Variants in CYP2A7 observed in about 807,000 individuals in gnomAD.
CYP2A7 encodes the protein cytochrome P450 family 2 subfamily A member 7.
A neutral mutation model predicts 42.0 loss-of-function variants in CYP2A7; 36 were observed. That is an observed-to-expected ratio of 0.86 (90% CI 0.66 to 1.13). The LOEUF (loss-of-function observed/expected upper bound fraction) is 1.13, where lower values mean the gene tolerates loss of function less well. CYP2A7 is among the 50% of genes most tolerant of loss of function. CYP2A7 has a pLI of 0.00. For synonymous variants in CYP2A7, 260 were observed against 249.5 expected, an observed-to-expected ratio of 1.04 and a Z score of -0.40; for missense variants, 661 against 634.1, an observed-to-expected ratio of 1.04 and a Z score of -0.46.
chr19:40,876,011 C>G, intron 8 of CYP2A7, 137 bp from the exon 9 acceptor site: 9 of 1,410,464 alleles, frequency 6.4e-6, no homozygotes, highest in Non-Finnish European at 7.6e-6. Flanking sequence ...AGAGGAGGCT[C>G]TGATCCTCCC....
Position 40,877,303 on chromosome 19 carries a change from G to A in CYP2A7, c.1048C>T (p.Pro350Ser), listed in dbSNP as rs749348522. ...TCGTGGATCACTGCCTCCATGTAGGGCATCTTGGTCCGGTCCTCAAACTTG... is the reference window on the plus strand; with the variant it reads ...TCGTGGATCACTGCCTCCATGTAGGACATCTTGGTCCGGTCCTCAAACTTG... The part of the protein sequence containing the change: ...QPKFEDRTKM[P>S]YMEAVIHEIQ... The change falls in exon 7 of 9, where the codon CCC becomes TCC. Residue 350 changes from proline (P) to serine (S), a missense_variant. Pro to Ser is a moderately conservative substitution (Grantham distance 74). Coordinates refer to ENST00000301146, the MANE Select transcript of CYP2A7 (RefSeq NM_000764.3). The A allele has an allele frequency of 8.5e-5, 137 of 1,612,714 alleles. 5 individuals are homozygous for A. The highest frequency in any genetic ancestry group is 1.2e-4 in the Non-Finnish European group (136 of 1,179,180).
rs758994683 is a variant in CYP2A7, at chr19:40,878,821, C to A, written c.770G>T (p.Arg257Leu). ...FIAKKVEHNQ[R>L]TLDPNSPQDF... ...CTGTGGGGAATTGGGATCCAGCGTG[C>A]GCTGGTTGTGCTCCACCTTCTTGGC... Residue 257 changes from arginine to leucine, a missense_variant, in exon 5 of 9, where the codon CGC becomes CTC. Arg to Leu is a moderately radical substitution (Grantham distance 102). Around this residue, in one of 3 missense-constraint regions of CYP2A7, gnomAD observed 614 missense variants for 552.4 expected, o/e 1.11. Transcript: ENST00000301146. 7 of 1,612,270 alleles carry A rather than the reference C, an allele frequency of 4.3e-6. 1 individual carries two copies. In the South Asian group the frequency reaches 7.7e-5, roughly 18 times the overall value.
In CYP2A7 at chr19:40,880,257, A is replaced by G; in HGVS notation, c.494-13T>C. 1 of 1,612,256 alleles carries G rather than the reference A, an allele frequency of 6.2e-7. No individual in the cohort carries two copies. Among genetic ancestry groups the G allele is most frequent in the Non-Finnish European group, 8.5e-7 (1 of 1,178,976 alleles). On this transcript the variant is annotated splice_polypyrimidine_tract_variant and intron_variant, in intron 3 of 8. Transcript: ENST00000301146. ...TCGATATTGGCGCCTGCGGGTGTGG[A>G]GGGAGAAGGGGGTTGGGGAGAGAGT...
rs553496168 is a variant in CYP2A7, at chr19:40,881,421, G to A, written c.343+168C>T. ...AATCACGACAGGGACGCTGGAGACA[G>A]GTGAGGGATACACATGGAGAGGCCA... On this transcript the variant is annotated intron_variant, in intron 2 of 8. Coordinates refer to ENST00000301146, the MANE Select transcript of CYP2A7 (RefSeq NM_000764.3). 8.6e-4 allele frequency among the ~76,000 whole-genome samples: 130 copies of A among 151,750 alleles called. 5 individuals are homozygous for A. The highest frequency in any genetic ancestry group is 1.7e-3 in the Non-Finnish European group (118 of 67,778).
At position 40,881,697 on chromosome 19, in the gene CYP2A7, C is replaced by T. The variant is rs558900936; in HGVS notation, c.235G>A (p.Val79Met). 8.7e-6 allele frequency: 14 copies of T among 1,612,882 alleles called. No homozygotes were observed. Among genetic ancestry groups the T allele is most frequent in the South Asian group, 3.3e-5 (3 of 90,998 alleles). Residue 79 changes from valine (V) to methionine (M), a missense_variant, in exon 2 of 9, where the codon GTG becomes ATG. Val to Met is a conservative substitution (Grantham distance 21). Around this residue, in one of 3 missense-constraint regions of CYP2A7, gnomAD observed 614 missense variants for 552.4 expected, o/e 1.11. Transcript: ENST00000301146. ...ACGGCATCATGTCCACACAGCACCA[C>T]GACCCGCCGGGGCCCCAAGTGAATG... ...FTIHLGPRRV[V>M]VLCGHDAVRE... is the part of the protein sequence containing the mutation.
At chr19:40,876,836 C>CCCAAACTTCCTGTTTCAGAGATG in intron 7 of CYP2A7, 168 bp from the exon 8 acceptor site, 1 of 970,002 alleles carries the variant, frequency 1.0e-6, no homozygotes, top group Non-Finnish European at 1.5e-6. Context: ...GTTCACATCT[C>CCCAAACTTCCTGTTTCAGAGATG]TGAAACAGGA....
chr19:40,878,643 A>C, intron 5 of CYP2A7, 117 bp downstream of exon 5: 1 of 1,413,754 alleles, frequency 7.1e-7, no homozygotes, highest in Non-Finnish European at 9.5e-7. Flanking sequence ...GCCAATTGTG[A>C]GGATTATTAT....
Position 40,877,253 on chromosome 19 carries a change from G to A in CYP2A7, c.1098C>T (p.Ile366=), listed in dbSNP as rs774829721. ...IHEIQRFGDV[I]PMSLARRVKK... is the part of the protein sequence containing the mutation. ...TAACCCTGCGGGCCAAACTCATGGGGATCACGTCTCCAAATCTTTGGATCT... is the reference window on the plus strand; with the variant it reads ...TAACCCTGCGGGCCAAACTCATGGGAATCACGTCTCCAAATCTTTGGATCT... Residue 366 remains isoleucine (I), a synonymous_variant, in exon 7 of 9, where the codon ATC becomes ATT. Transcript: ENST00000301146. The A allele has an allele frequency of 3.7e-6, 6 of 1,612,856 alleles. No homozygotes were observed. In the South Asian group the frequency reaches 5.5e-5, roughly 15 times the overall value.
intron 3 of CYP2A7, 89 bp downstream of exon 3, chr19:40,880,390 T>C: frequency 6.4e-7 from 1 of 1,563,992 alleles, no homozygotes; most frequent in Non-Finnish European, 8.7e-7. Flanking sequence ...TTTCCCCACC[T>C]AGTCCCCATC....
intron 6 of CYP2A7, among the ~76,000 whole-genome samples, chr19:40,877,641 C>G (rs1313457308): frequency 1.3e-5 from 2 of 151,462 alleles, no homozygotes. Flanking sequence ...GGGCTTGGGA[C>G]AGAAGTGACT....
intron 6 of CYP2A7, 147 bp from the exon 7 acceptor site, chr19:40,877,524 G>C (rs1376040692): frequency 1.6e-6 from 2 of 1,286,594 alleles, no homozygotes; most frequent in African/African-American, 3.0e-5. Flanking sequence ...TCGGCCATTC[G>C]CATTGTTGGA....
intron 8 of CYP2A7, 114 bp downstream of exon 8, chr19:40,876,413 A>G (rs1967531203): frequency 3.2e-6 from 5 of 1,565,612 alleles, no homozygotes; most frequent in Non-Finnish European, 3.5e-6. Flanking sequence ...GGTAGATTCT[A>G]ACAGGAACTT....
rs992768522 is a variant in CYP2A7 at position 40,876,376 on chromosome 19, T to C, written c.1303+151A>G. On this transcript the variant is annotated intron_variant, in intron 8 of 8. Coordinates refer to ENST00000301146, the MANE Select transcript of CYP2A7 (RefSeq NM_000764.3). ...GTGCAGGTACTGGGTGCTTGGTAGT[T>C]AAGGAAGTATCAGCTGCTGGCTCAA... 126 of 1,299,762 alleles carry C rather than the reference T, an allele frequency of 9.7e-5. 2 individuals are homozygous for C. The highest frequency in any genetic ancestry group is 1.3e-4 in the Non-Finnish European group (121 of 911,062). 80.5% of individuals were successfully genotyped at this position (1,299,762 alleles called of 1,614,324 possible). A position where few individuals can be genotyped will look rare whatever the true frequency, so the allele number is the denominator to read the frequency against.
At position 40,882,198 on chromosome 19, in the gene CYP2A7, C is replaced by G. The variant is rs1464131835; in HGVS notation, c.13G>C (p.Gly5Arg). The stretch of plus-strand genomic sequence containing the variant: ...GCCAGCAAGGCCACCAGAAGCAGCC[C>G]TGAGGCCAGCATGGTGGTAGTGAGA... Reference protein sequence around the residue: MLASGLLLVALLACL... With the variant: MLASRLLLVALLACL... Residue 5 changes from glycine to arginine, a missense_variant, in exon 1 of 9, where the codon GGG becomes CGG. By Grantham distance (125) the Gly-to-Arg change is moderately radical. This residue lies in a region of CYP2A7 where 614 missense variants were observed against 552.4 expected (regional missense o/e 1.11). Coordinates refer to ENST00000301146, the MANE Select transcript of CYP2A7 (RefSeq NM_000764.3). 6.2e-7 allele frequency: 1 copy of G among 1,613,848 alleles called. No homozygotes were observed. Among genetic ancestry groups the G allele is most frequent in the Non-Finnish European group, 8.5e-7 (1 of 1,179,758 alleles).
At position 40,877,466 on chromosome 19, in the gene CYP2A7, C is replaced by T. The variant is rs564551458; in HGVS notation, c.974-89G>A. 1.9e-5 allele frequency: 29 copies of T among 1,550,870 alleles called. 1 individual carries two copies. In the East Asian group the frequency reaches 2.0e-4, roughly 11 times the overall value. On this transcript the variant is annotated intron_variant, in intron 6 of 8. Coordinates refer to ENST00000301146, the MANE Select transcript of CYP2A7 (RefSeq NM_000764.3). ...AATAGGTAAAACGGGGTGGATGATA[C>T]GGCTCCCCCTATGAGACGGAGGTAG... is the stretch of plus-strand genomic sequence containing the variant.
Position 40,882,098 on chromosome 19 carries a change from G to C in CYP2A7, c.113C>G (p.Thr38Ser). The C allele has an allele frequency of 6.2e-7, 1 of 1,613,948 alleles. No individual in the cohort carries two copies. ...KSRGKLPPGP[T>S]PLPFIGNYLQ... ...GTAGTTTCCAATGAAGGGCAGTGGGGTGGGTCCCGGAGGCAGCTTCCCCCT... is the reference window on the plus strand; with the variant it reads ...GTAGTTTCCAATGAAGGGCAGTGGGCTGGGTCCCGGAGGCAGCTTCCCCCT... Residue 38 changes from threonine to serine, a missense_variant, in exon 1 of 9, where the codon ACC becomes AGC. By Grantham distance (58) the Thr-to-Ser change is moderately conservative. This residue lies in a region of CYP2A7 where 614 missense variants were observed against 552.4 expected (regional missense o/e 1.11). Coordinates refer to ENST00000301146, the MANE Select transcript of CYP2A7 (RefSeq NM_000764.3).
At position 40,877,992 on chromosome 19, in the gene CYP2A7, T is replaced by A; in HGVS notation, c.833A>T (p.Glu278Val). Residue 278 changes from glutamate to valine, a missense_variant and splice_region_variant, in exon 6 of 9, where the codon GAG becomes GTG. Around this residue, in one of 3 missense-constraint regions of CYP2A7, gnomAD observed 614 missense variants for 552.4 expected, o/e 1.11. Coordinates refer to ENST00000301146, the MANE Select transcript of CYP2A7 (RefSeq NM_000764.3). ...IDSFLIHMQE[E>V]EKNPNTEFYL... is the part of the protein sequence containing the mutation. ...GAACTCCGTGTTGGGGTTCTTCTCCTCCTGCAGGGAGAGGGGGCTTTAGGC... is the reference window on the plus strand; with the variant it reads ...GAACTCCGTGTTGGGGTTCTTCTCCACCTGCAGGGAGAGGGGGCTTTAGGC... 6.2e-7 allele frequency: 1 copy of A among 1,610,330 alleles called. No homozygotes were observed. The highest frequency in any genetic ancestry group is 8.5e-7 in the Non-Finnish European group (1 of 1,178,184).
intron 2 of CYP2A7, among the ~76,000 whole-genome samples, chr19:40,881,377 G>A (rs965002961): frequency 6.6e-6 from 1 of 151,590 alleles, no homozygotes; most frequent in Non-Finnish European, 1.5e-5. Context: ...AGGAGGTGGG[G>A]CAGAGAGAGG....
Position 40,879,733 on chromosome 19 carries a change from C to T in CYP2A7, c.654+351G>A, listed in dbSNP as rs376831146. Among the ~76,000 whole-genome samples, 10 of 151,370 alleles carry T rather than the reference C, an allele frequency of 6.6e-5. 1 individual carries two copies. Among genetic ancestry groups the T allele is most frequent in the African/African-American group, 1.5e-4 (6 of 41,314 alleles). ...ACCAGGTGTTCAGGCATGCAGGAGG[C>T]GGGTTGACGCAGTCATTTGTCCAGG... On this transcript the variant is annotated intron_variant, in intron 4 of 8. Transcript: ENST00000301146.
Sources: allele counts gnomAD v4.1 joint callset (sites outside exome capture counted in the v4.1 genomes callset), GRCh38; gene constraint gnomAD v4.1.1; regional missense constraint gnomAD v4.1.1; transcripts MANE v1.5; gene names NCBI Gene and HGNC (gene_info 2026-07-23, HGNC 2026-07-21).